DPYD: variants seen among roughly 807,000 people sequenced by gnomAD.
DPYD encodes dihydropyrimidine dehydrogenase.
Under a neutral mutation model 116.2 loss-of-function variants are expected in DPYD, and 109 were observed. The ratio of observed to expected loss-of-function variants is 0.94; its 90% CI spans 0.80 to 1.10. The LOEUF (loss-of-function observed/expected upper bound fraction) is 1.10, where lower values mean the gene tolerates loss of function less well. Among genes scored for constraint, DPYD ranks in the 50% least tolerant of loss-of-function variants. The pLI is 0.00. For missense variants in DPYD, 1,302 were observed against 1,254.5 expected, an observed-to-expected ratio of 1.04 and a Z score of -0.57; for synonymous variants, 440 against 432.0, an observed-to-expected ratio of 1.02 and a Z score of -0.23.
intron 2 of DPYD, among the ~76,000 whole-genome samples, chr1:97,830,736 AGT>A (rs1669503663): frequency 6.6e-6 from 1 of 151,786 alleles, no homozygotes; most frequent in Admixed American, 6.6e-5. Context: ...AGAGAGAGAA[AGT>A]GGACACGTGG....
At chr1:97,383,643 C>G (rs540980202) in intron 14 of DPYD, among the ~76,000 whole-genome samples, 1 of 152,172 alleles carries the variant, frequency 6.6e-6, no homozygotes, top group South Asian at 2.1e-4. Flanking sequence ...GATGAAGACG[C>G]CAAGGCAATG....
intron 12 of DPYD, among the ~76,000 whole-genome samples, chr1:97,534,407 G>T (rs1358816465): frequency 6.6e-6 from 1 of 152,078 alleles, no homozygotes. Flanking sequence ...CACATGCTCA[G>T]CTGGAACTCA....
intron 8 of DPYD, among the ~76,000 whole-genome samples, chr1:97,661,806 C>T (rs945605575): frequency 3.3e-5 from 5 of 151,758 alleles, no homozygotes; most frequent in African/African-American, 9.7e-5. Flanking sequence ...AGGAAATTTG[C>T]TTTTTAAAAC....
At position 97,642,673 on chromosome 1, in the gene DPYD, T is replaced by C. The variant is rs374726983; in HGVS notation, c.850+36422A>G. On this transcript the variant is annotated intron_variant, in intron 8 of 22. Coordinates refer to ENST00000370192, the MANE Select transcript of DPYD (RefSeq NM_000110.4). The stretch of plus-strand genomic sequence containing the variant: ...GCATGTTCTCACTCATAGGTGGGAA[T>C]TGAACAATGAGAACACATGGACACA... Among the ~76,000 whole-genome samples, 138 of 135,770 alleles carry C rather than the reference T, an allele frequency of 1.0e-3. 1 individual carries two copies. Among genetic ancestry groups the C allele is most frequent in the South Asian group, 3.7e-3 (16 of 4,342 alleles). 89.1% of individuals were successfully genotyped at this position (135,770 alleles called of 152,430 possible). A position where few individuals can be genotyped will look rare whatever the true frequency, so the allele number is the denominator to read the frequency against.
intron 8 of DPYD, among the ~76,000 whole-genome samples, chr1:97,650,885 A>T (rs1658544777): frequency 6.6e-6 from 1 of 152,072 alleles, no homozygotes; most frequent in South Asian, 2.1e-4. Flanking sequence ...CTTAAATATT[A>T]GTACTTAAGA....
chr1:97,235,174 A>T (rs1215810838), intron 18 of DPYD, among the ~76,000 whole-genome samples, 180 bp from the exon 19 acceptor site: 1 of 152,260 alleles, frequency 6.6e-6, no homozygotes. Flanking sequence ...AAGCATGTTA[A>T]TTTGTTAATG....
intron 13 of DPYD, among the ~76,000 whole-genome samples, chr1:97,499,066 T>G (rs1002141627): frequency 2.0e-5 from 3 of 151,706 alleles, no homozygotes; most frequent in Non-Finnish European, 4.4e-5. Context: ...AGATGAAAAG[T>G]TGAGTGGATC....
At chr1:97,899,431 G>A (rs1281209748) in intron 1 of DPYD, among the ~76,000 whole-genome samples, 3 of 151,832 alleles carry the variant, frequency 2.0e-5, no homozygotes, top group African/African-American at 4.8e-5. Flanking sequence ...TGACAAATGC[G>A]CCTTTTCCCT....
intron 2 of DPYD, among the ~76,000 whole-genome samples, chr1:97,869,067 G>C (rs191100694): frequency 2.6e-5 from 4 of 151,732 alleles, no homozygotes; most frequent in Non-Finnish European, 5.9e-5. Context: ...AGTACATGTT[G>C]CAAGTGGAAA....
chr1:97,918,282 C>A (rs759396676), intron 1 of DPYD, among the ~76,000 whole-genome samples: 5 of 152,108 alleles, frequency 3.3e-5, no homozygotes, highest in Non-Finnish European at 7.4e-5. Flanking sequence ...AGCAGATTTT[C>A]CATGTGCAAT....
chr1:97,116,906 C>T (rs1203102043), intron 20 of DPYD, among the ~76,000 whole-genome samples: 6 of 149,582 alleles, frequency 4.0e-5, no homozygotes, highest in African/African-American at 9.9e-5. Context: ...TCTAGCACTT[C>T]GGGAGGCCGA....
At chr1:97,490,506 T>A (rs1208404902) in intron 13 of DPYD, among the ~76,000 whole-genome samples, 7 of 147,998 alleles carry the variant, frequency 4.7e-5, no homozygotes, top group Non-Finnish European at 1.0e-4. Context: ...AATAATTATA[T>A]TAATAATATA....
intron 14 of DPYD, among the ~76,000 whole-genome samples, chr1:97,386,605 T>A (rs1210402077): frequency 6.6e-6 from 1 of 152,170 alleles, no homozygotes; most frequent in Non-Finnish European, 1.5e-5. Context: ...AAAACTAAAG[T>A]TGTCATGTTT....
At chr1:97,772,258 G>A (rs796852094) in intron 3 of DPYD, among the ~76,000 whole-genome samples, 9 of 152,254 alleles carry the variant, frequency 5.9e-5, no homozygotes, top group African/African-American at 2.2e-4. Flanking sequence ...ATAGTCTTAG[G>A]CACTGCACAA....
chr1:97,523,736 CG>C (rs1648856079), intron 12 of DPYD, among the ~76,000 whole-genome samples: 1 of 151,894 alleles, frequency 6.6e-6, no homozygotes, highest in Admixed American at 6.6e-5. Flanking sequence ...TCTTTCCTGC[CG>C]GTGTTAATGC....
chr1:97,820,626 G>A (rs1430647562), intron 3 of DPYD, among the ~76,000 whole-genome samples: 1 of 152,176 alleles, frequency 6.6e-6, no homozygotes, highest in East Asian at 1.9e-4. Context: ...CAGATAAACT[G>A]TGCAACTCAA....
At chr1:97,228,239 T>A (rs886120782) in intron 19 of DPYD, among the ~76,000 whole-genome samples, 6 of 151,990 alleles carry the variant, frequency 3.9e-5, no homozygotes, top group African/African-American at 1.4e-4. Flanking sequence ...AAAAAATGAA[T>A]GAATGAATTA....
chr1:97,637,679 G>T (rs1294869121), intron 8 of DPYD, among the ~76,000 whole-genome samples: 1 of 152,142 alleles, frequency 6.6e-6, no homozygotes, highest in Non-Finnish European at 1.5e-5. Flanking sequence ...TAGGTGAGAT[G>T]TAATTTCACG....
chr1:97,200,739 CT>C (rs1659142287), intron 19 of DPYD, among the ~76,000 whole-genome samples: 1 of 152,122 alleles, frequency 6.6e-6, no homozygotes, highest in Non-Finnish European at 1.5e-5. Context: ...GGAATTTAGA[CT>C]TTTTTTCAGA....
Sources: gnomAD v4.1 joint callset for allele counts (sites outside exome capture counted in the v4.1 genomes callset) on GRCh38, gnomAD v4.1.1 for gene constraint, MANE v1.5 for transcripts, NCBI Gene and HGNC (gene_info 2026-07-23, HGNC 2026-07-21) for gene names.